Variants in SPRR2D observed in about 807,000 individuals in gnomAD.
SPRR2D encodes small proline-rich protein 2D.
For synonymous variants in SPRR2D, 43 were observed against 32.8 expected (o/e 1.31, Z -1.06); for missense variants, 81 against 87.2 (o/e 0.93, Z 0.28).
At chr1:153,040,445 A>G in intron 1 of SPRR2D, 80 bp from the exon 2 acceptor site, 1 of 1,577,932 alleles carries the variant, frequency 6.3e-7, no homozygotes. Context: ...ATACCATGAA[A>G]TATTATTTCC....
rs760997724 is a variant in SPRR2D, at chr1:153,040,093, T to A, written c.*35A>T. 3 of 1,601,062 alleles carry A rather than the reference T, an allele frequency of 1.9e-6. No individual in the cohort carries two copies. Among genetic ancestry groups the A allele is most frequent in the Middle Eastern group, 2.2e-4 (1 of 4,604 alleles). ...GTGGAACGAGGTGAGCCAATTATCC[T>A]TATCCTCTCATGCTCCTGATGAATC... On this transcript the variant is annotated 3_prime_UTR_variant, in exon 2 of 2. Coordinates refer to ENST00000360379, the MANE Select transcript of SPRR2D (RefSeq NM_006945.5).
intron 1 of SPRR2D, 176 bp from the exon 2 acceptor site, chr1:153,040,541 G>C (rs2101595682): frequency 8.8e-7 from 1 of 1,140,156 alleles, no homozygotes; most frequent in South Asian, 1.6e-5. Context: ...TTGCTTCATT[G>C]GCCCTGGGAA....
In SPRR2D at chr1:153,040,143, T is replaced by A. The variant is rs180935179; in HGVS notation, c.204A>T (p.Pro68=). Residue 68 remains proline, a synonymous_variant, in exon 2 of 2, where the codon CCA becomes CCT. Coordinates refer to ENST00000360379, the MANE Select transcript of SPRR2D (RefSeq NM_006945.5). ...TPSPPCQPKC[P]PKSK ...CCTGAAGCTGTTACTTGCTCTTGGG[T>A]GGACACTTTGGCTGGCAGGGTGGGG... 6.2e-7 allele frequency: 1 copy of A among 1,612,828 alleles called. No homozygotes were observed. The highest frequency in any genetic ancestry group is 1.3e-5 in the African/African-American group (1 of 74,988).
At position 153,039,894 on chromosome 1, in the gene SPRR2D, C is replaced by T; in HGVS notation, c.*234G>A. 2.5e-6 allele frequency: 2 copies of T among 791,296 alleles called. No individual in the cohort carries two copies. The highest frequency in any genetic ancestry group is 2.2e-5 in the South Asian group (1 of 46,496). The allele number at this position is 791,296 out of a possible 1,614,324, so 49.0% of individuals were successfully genotyped here. A position where few individuals can be genotyped will look rare whatever the true frequency, so the allele number is the denominator to read the frequency against. On this transcript the variant is annotated 3_prime_UTR_variant, in exon 2 of 2. Transcript: ENST00000360379. ...GCTCTTTCTTCCGAAGCTCTGGGAG[C>T]TGGCACAGCTGAGGACTTCCTTTTC...
rs1247557735 is a variant in SPRR2D at position 153,039,970 on chromosome 1, T to C, written c.*158A>G. Reference sequence around the variant, plus strand: ...ATGGCAGCCTCAGAAAGGGAATCTTTTGCTGTCACAGATCATCACAGGCAG... The same window carrying C: ...ATGGCAGCCTCAGAAAGGGAATCTTCTGCTGTCACAGATCATCACAGGCAG... On this transcript the variant is annotated 3_prime_UTR_variant, in exon 2 of 2. Transcript: ENST00000360379. The C allele has an allele frequency of 7.2e-7, 1 of 1,395,894 alleles. No individual in the cohort carries two copies. Among genetic ancestry groups the C allele is most frequent in the Non-Finnish European group, 9.7e-7 (1 of 1,034,414 alleles). The allele number at this position is 1,395,894 out of a possible 1,614,324, so 86.5% of individuals were successfully genotyped here.
At chr1:153,040,496 A>G in intron 1 of SPRR2D, 131 bp from the exon 2 acceptor site, 1 of 1,431,288 alleles carries the variant, frequency 7.0e-7, no homozygotes, top group South Asian at 1.4e-5. Flanking sequence ...CTGCCTTTTC[A>G]AGACTACTTC....
rs1653959265 is a variant in SPRR2D, at chr1:153,040,400, G to A, written c.-19-35C>T. ...ATGATACAACAGTGTTTGTGGGAAG[G>A]GACTCCTCCAGAGAGAGAAGCTAAT... On this transcript the variant is annotated intron_variant, in intron 1 of 1. Transcript: ENST00000360379. 3.1e-6 allele frequency: 5 copies of A among 1,608,058 alleles called. No individual in the cohort carries two copies. The East Asian group carries it at 1.1e-4, about 36-fold the overall frequency.
intron 1 of SPRR2D, chr1:153,040,844 T>C (rs987589066): frequency 5.5e-6 from 1 of 181,824 alleles, no homozygotes; most frequent in East Asian, 1.6e-4. Context: ...CTTTGTTCTT[T>C]TTTCTTCTTC....
chr1:153,040,246 T>C lies in SPRR2D; in HGVS notation c.101A>G (p.Glu34Gly). The change falls in exon 2 of 2, where the codon GAG becomes GGG. Residue 34 changes from glutamate (E) to glycine (G), a missense_variant. Transcript: ENST00000360379. ...TGGACACTTTGGTGATGGGCAGGGC[T>C]CAGGGCACTTCGGGGGTGGACATGG... ...PEPCPPPKCP[E>G]PCPSPKCPQP... The C allele has an allele frequency of 6.2e-7, 1 of 1,612,620 alleles. No individual in the cohort carries two copies.
chr1:153,039,734 T>C lies in SPRR2D; in HGVS notation c.*394A>G. The stretch of plus-strand genomic sequence containing the variant: ...AACAAAAGATCCATTCACAAATATA[T>C]ATGCATAGATACTTTATTCAGGGAG... On this transcript the variant is annotated 3_prime_UTR_variant, in exon 2 of 2. Coordinates refer to ENST00000360379, the MANE Select transcript of SPRR2D (RefSeq NM_006945.5). 2.9e-6 allele frequency: 1 copy of C among 344,944 alleles called. No individual in the cohort carries two copies. The allele number at this position is 344,944 out of a possible 1,614,324, so 21.4% of individuals were successfully genotyped here. A position where few individuals can be genotyped will look rare whatever the true frequency, so the allele number is the denominator to read the frequency against.
rs145942971 is a variant in SPRR2D, at chr1:153,039,808, GA to G, written c.*319del. ...AGGTGGTAGAAGCTCATGACCAGGT[GA>G]CAGACAGACACAGAACACATCAACA... On this transcript the variant is annotated 3_prime_UTR_variant, in exon 2 of 2. Transcript: ENST00000360379. 24,461 of 481,266 alleles carry G rather than the reference GA, an allele frequency of 0.051. 770 individuals are homozygous for G. The highest frequency in any genetic ancestry group is 0.094 in the Middle Eastern group (176 of 1,882). The allele number at this position is 481,266 out of a possible 1,614,324, so 29.8% of individuals were successfully genotyped here.
At chr1:153,040,390 T>G (rs760557697) in intron 1 of SPRR2D, 25 bp from the exon 2 acceptor site, 6 of 1,609,234 alleles carry the variant, frequency 3.7e-6, no homozygotes, top group Admixed American at 1.7e-5. Context: ...ACAACAGTGT[T>G]TGTGGGAAGG....
rs373415783 is a variant in SPRR2D at position 153,040,185 on chromosome 1, A to G, written c.162T>C (p.Tyr54=). 3.7e-6 allele frequency: 6 copies of G among 1,612,744 alleles called. No individual in the cohort carries two copies. In the African/African-American group the frequency reaches 5.3e-5, roughly 14 times the overall value. Residue 54 remains tyrosine (Y), a synonymous_variant, in exon 2 of 2, where the codon TAT becomes TAC. Coordinates refer to ENST00000360379, the MANE Select transcript of SPRR2D (RefSeq NM_006945.5). ...AGGGTGGGGAAGGTGTCACAGGAGG[A>G]TATTTCTGCTGGCACTGCTGAGGTG... is the stretch of plus-strand genomic sequence containing the variant. The part of the protein sequence containing the change: ...PCPPQQCQQK[Y]PPVTPSPPCQ...
chr1:153,040,244 G>C lies in SPRR2D; in HGVS notation c.103C>G (p.Pro35Ala). The C allele has an allele frequency of 6.2e-7, 1 of 1,612,672 alleles. No individual in the cohort carries two copies. The highest frequency in any genetic ancestry group is 1.3e-5 in the African/African-American group (1 of 75,000). ...TGTGGACACTTTGGTGATGGGCAGG[G>C]CTCAGGGCACTTCGGGGGTGGACAT... Reference protein sequence around the residue: ...EPCPPPKCPEPCPSPKCPQPC... With the variant: ...EPCPPPKCPEACPSPKCPQPC... Residue 35 changes from proline to alanine, a missense_variant, in exon 2 of 2, where the codon CCC becomes GCC. Transcript: ENST00000360379.
In SPRR2D at chr1:153,040,065, G is replaced by A; in HGVS notation, c.*63C>T. On this transcript the variant is annotated 3_prime_UTR_variant, in exon 2 of 2. Coordinates refer to ENST00000360379, the MANE Select transcript of SPRR2D (RefSeq NM_006945.5). ...GCTTTGGTGAGAAGATGCAAGTGGA[G>A]CTGTGGAACGAGGTGAGCCAATTAT... The A allele has an allele frequency of 6.4e-7, 1 of 1,570,134 alleles. No individual in the cohort carries two copies. The highest frequency in any genetic ancestry group is 1.2e-5 in the South Asian group (1 of 82,584).
rs1048275 is a variant in SPRR2D, at chr1:153,040,106, C to G, written c.*22G>C. ...AGCCAATTATCCTTATCCTCTCATG[C>G]TCCTGATGAATCCTGAAGCTGTTAC... On this transcript the variant is annotated 3_prime_UTR_variant, in exon 2 of 2. Transcript: ENST00000360379. 2 of 1,608,570 alleles carry G rather than the reference C, an allele frequency of 1.2e-6. No individual in the cohort carries two copies. Among genetic ancestry groups the G allele is most frequent in the Non-Finnish European group, 1.7e-6 (2 of 1,178,090 alleles).
chr1:153,040,589 A>G (rs1653964210), intron 1 of SPRR2D: 1 of 767,052 alleles, frequency 1.3e-6, no homozygotes, highest in Admixed American at 2.9e-5. Flanking sequence ...CAAAGAAAAT[A>G]TCTCTGTAGT....
At chr1:153,040,433 T>C (rs1653960250) in intron 1 of SPRR2D, 68 bp from the exon 2 acceptor site, 2 of 1,593,592 alleles carry the variant, frequency 1.3e-6, no homozygotes, top group South Asian at 2.2e-5. Flanking sequence ...AATGCTTATG[T>C]AATACCATGA....
chr1:153,040,413 G>T, intron 1 of SPRR2D, 48 bp from the exon 2 acceptor site: 1 of 1,606,348 alleles, frequency 6.2e-7, no homozygotes, highest in Non-Finnish European at 8.5e-7. Flanking sequence ...CTCCTCCAGA[G>T]AGAGAAGCTA....
Sources: allele counts gnomAD v4.1 joint callset, GRCh38; gene constraint gnomAD v4.1.1; transcripts MANE v1.5; gene names NCBI Gene and HGNC (gene_info 2026-07-23, HGNC 2026-07-21).